PCDHGA6: variants seen among roughly 807,000 people sequenced by gnomAD.
PCDHGA6 encodes protocadherin gamma subfamily A, 6.
Under a neutral mutation model 60.6 loss-of-function variants are expected in PCDHGA6, and 41 were observed. The observed-to-expected ratio is 0.68, with a 90% CI of 0.53 to 0.88. PCDHGA6 has a LOEUF of 0.88. Among genes scored for constraint, PCDHGA6 ranks in the 40% least tolerant of loss-of-function variants. PCDHGA6 has a pLI of 0.00. For missense variants in PCDHGA6, 1,312 were observed against 1,203.0 expected, an observed-to-expected ratio of 1.09 and a Z score of -1.34; for synonymous variants, 594 against 524.4, an observed-to-expected ratio of 1.13 and a Z score of -1.81.
chr5:141,500,499 G>T lies in PCDHGA6; in HGVS notation c.2484-4894G>T, dbSNP rs531501031. On this transcript the variant is annotated intron_variant, in intron 2 of 3. Transcript: ENST00000517434. ...GCTGGGATTACAGGCGTGAGCCACC[G>T]CGCCTGGCCGAGCTTCATTTTAAAA... Among the ~76,000 whole-genome samples, 24 of 152,088 alleles carry T rather than the reference G, an allele frequency of 1.6e-4. 1 individual carries two copies. In the Middle Eastern group the frequency reaches 0.01, roughly 65 times the overall value.
intron 1 of PCDHGA6, among the ~76,000 whole-genome samples, chr5:141,472,969 A>G: frequency 6.8e-6 from 1 of 147,990 alleles, no homozygotes; most frequent in Non-Finnish European, 1.5e-5. Flanking sequence ...CTGGGGAACA[A>G]GAGTGAAACT....
At chr5:141,468,382 G>T (rs1247387630) in intron 1 of PCDHGA6, 1 of 151,194 alleles carries the variant, frequency 6.6e-6, no homozygotes, top group Non-Finnish European at 1.5e-5. Context: ...GCCATACAAG[G>T]CTACCCATTT....
chr5:141,409,164 C>G (rs115772303), intron 1 of PCDHGA6: 18 of 1,613,792 alleles, frequency 1.1e-5, no homozygotes, highest in Non-Finnish European at 1.4e-5. Flanking sequence ...GAAGTGGAAG[C>G]GAAGGACGGA....
chr5:141,483,121 T>C (rs922863446), intron 1 of PCDHGA6, among the ~76,000 whole-genome samples: 1 of 152,052 alleles, frequency 6.6e-6, no homozygotes, highest in Admixed American at 6.6e-5. Flanking sequence ...ACAGTCTTTG[T>C]AGGAGATGAG....
Position 141,485,943 on chromosome 5 carries a change from C to CG in PCDHGA6, c.2425-8861dup, listed in dbSNP as rs1562109052. ...ATTAGTGTGTTGGAGAGCGCACCAG[C>CG]GGGCATGGTGCTCATCCAGCTCAAT... On this transcript the variant is annotated intron_variant, in intron 1 of 3. Coordinates refer to ENST00000517434, the MANE Select transcript of PCDHGA6 (RefSeq NM_018919.3). The surrounding 1 kb of genome is among the most constrained non-coding windows in gnomAD (Gnocchi z 5.7). The CG allele has an allele frequency of 1.2e-6, 2 of 1,614,126 alleles. No individual in the cohort carries two copies. Among genetic ancestry groups the CG allele is most frequent in the Non-Finnish European group, 1.7e-6 (2 of 1,180,012 alleles).
chr5:141,418,247 G>T, intron 1 of PCDHGA6: 1 of 1,614,032 alleles, frequency 6.2e-7, no homozygotes, highest in Non-Finnish European at 8.5e-7. Context: ...TAATGACCAC[G>T]CCCCTCAATT....
chr5:141,423,174 C>T (rs1203454000), intron 1 of PCDHGA6: 1 of 1,613,484 alleles, frequency 6.2e-7, no homozygotes, highest in South Asian at 1.1e-5. Flanking sequence ...CCGTCCAGGA[C>T]CACGGCCAGC....
intron 2 of PCDHGA6, among the ~76,000 whole-genome samples, chr5:141,502,401 G>A (rs191747075): frequency 2.0e-5 from 3 of 151,874 alleles, no homozygotes; most frequent in Admixed American, 1.3e-4. Flanking sequence ...AAATGTCCCC[G>A]AACCTGGATT....
In PCDHGA6 at chr5:141,485,062, C is replaced by T. The variant is rs2099606141; in HGVS notation, c.2425-9745C>T. 2.3e-6 allele frequency: 2 copies of T among 876,222 alleles called. No individual in the cohort carries two copies. Among genetic ancestry groups the T allele is most frequent in the Non-Finnish European group, 3.6e-6 (2 of 552,684 alleles). 54.3% of individuals were successfully genotyped at this position (876,222 alleles called of 1,614,324 possible). ...CCTTGCGGCGCCGGCCGAACCGCGCCAGAGCTGGCGCGGGGAAAGGGAGAT... is the reference window on the plus strand; with the variant it reads ...CCTTGCGGCGCCGGCCGAACCGCGCTAGAGCTGGCGCGGGGAAAGGGAGAT... On this transcript the variant is annotated intron_variant, in intron 1 of 3. Coordinates refer to ENST00000517434, the MANE Select transcript of PCDHGA6 (RefSeq NM_018919.3). The surrounding 1 kb of genome is among the most constrained non-coding windows in gnomAD (Gnocchi z 5.7).
chr5:141,408,924 T>G, intron 1 of PCDHGA6: 1 of 1,612,706 alleles, frequency 6.2e-7, no homozygotes. Flanking sequence ...AACCCCCCGG[T>G]TTTCAGCAGA....
chr5:141,403,992 T>G, intron 1 of PCDHGA6: 2 of 1,613,848 alleles, frequency 1.2e-6, no homozygotes, highest in South Asian at 2.2e-5. Flanking sequence ...AGACCTGAAG[T>G]GACCATTACA....
intron 1 of PCDHGA6, chr5:141,385,861 G>A (rs561611576): frequency 8.5e-5 from 13 of 153,290 alleles, no homozygotes; most frequent in African/African-American, 2.6e-4. Flanking sequence ...GGTGGTAGTA[G>A]AAGGTTGGAT....
At position 141,477,112 on chromosome 5, in the gene PCDHGA6, A is replaced by C. The variant is rs745449028; in HGVS notation, c.2425-17695A>C. The C allele has an allele frequency of 2.5e-6, 4 of 1,614,262 alleles. No homozygotes were observed. The South Asian group carries it at 4.4e-5, about 18-fold the overall frequency. Reference sequence around the variant, plus strand: ...CCAAAGACAAGGGCGCCAATCCCGAAGGAGCACATTGCAAAGTGTTGGTGG... The same window carrying C: ...CCAAAGACAAGGGCGCCAATCCCGACGGAGCACATTGCAAAGTGTTGGTGG... On this transcript the variant is annotated intron_variant, in intron 1 of 3. Transcript: ENST00000517434. This position sits in a 1 kb window ranked among gnomAD's most constrained non-coding sequence, Gnocchi z 4.9.
chr5:141,417,647 C>G, intron 1 of PCDHGA6: 8 of 812,384 alleles, frequency 9.8e-6, no homozygotes, highest in Non-Finnish European at 1.5e-5. Flanking sequence ...ATCCCTCAGC[C>G]TCTAGCCTGG....
At position 141,512,523 on chromosome 5, in the gene PCDHGA6, T is replaced by A. The variant is rs1222752176; in HGVS notation, c.*1350T>A. 6.5e-6 allele frequency: 1 copy of A among 152,848 alleles called. No homozygotes were observed. The highest frequency in any genetic ancestry group is 1.5e-5 in the Non-Finnish European group (1 of 68,240). 9.5% of individuals were successfully genotyped at this position (152,848 alleles called of 1,614,324 possible). A position where few individuals can be genotyped will look rare whatever the true frequency, so the allele number is the denominator to read the frequency against. The stretch of plus-strand genomic sequence containing the variant: ...AGTGCGCCCCCTAGTGGCCATAGCC[T>A]GGTTAAAGTTCCCCAGTGCCTCCTT... On this transcript the variant is annotated 3_prime_UTR_variant, in exon 4 of 4. Transcript: ENST00000517434.
intron 1 of PCDHGA6, chr5:141,400,483 C>G (rs748464990): frequency 1.4e-5 from 22 of 1,613,902 alleles, no homozygotes; most frequent in Non-Finnish European, 1.7e-5. Context: ...GGCCTTATTT[C>G]CACTTTGTAA....
intron 1 of PCDHGA6, chr5:141,429,216 T>A (rs1590916921): frequency 6.8e-6 from 1 of 146,786 alleles, no homozygotes; most frequent in Admixed American, 6.7e-5. Context: ...GTGTGAAAAG[T>A]GGGTATTATG....
In PCDHGA6 at chr5:141,505,435, G is replaced by A. The variant is rs1274195652; in HGVS notation, c.2526G>A (p.Gln842=). The change falls in exon 3 of 4, where the codon CAG becomes CAA. Residue 842 remains glutamine, a synonymous_variant. Transcript: ENST00000517434. ...GDDTGTWPNN[Q]FDTEMLQAMI... is the part of the protein sequence containing the mutation. ...ACACCGGCACCTGGCCCAACAACCA[G>A]TTTGACACAGAGATGCTGCAAGCCA... 1 of 1,614,096 alleles carries A rather than the reference G, an allele frequency of 6.2e-7. No homozygotes were observed. Among genetic ancestry groups the A allele is most frequent in the African/African-American group, 1.3e-5 (1 of 74,936 alleles).
At chr5:141,389,755 T>G in intron 1 of PCDHGA6, 2 of 1,612,872 alleles carry the variant, frequency 1.2e-6, no homozygotes, top group Non-Finnish European at 1.7e-6. Flanking sequence ...ACGGGCGAAG[T>G]GCGCACAGCG....
Sources: allele counts gnomAD v4.1 joint callset (sites outside exome capture counted in the v4.1 genomes callset), GRCh38; gene constraint gnomAD v4.1.1; non-coding constraint Gnocchi (gnomAD v3.1); transcripts MANE v1.5; gene names NCBI Gene and HGNC (gene_info 2026-07-23, HGNC 2026-07-21).